TNKS: variants seen among roughly 807,000 people sequenced by gnomAD.
TNKS encodes poly [ADP-ribose] polymerase tankyrase-1.
TNKS carries 72 observed loss-of-function variants against 135.8 expected under a neutral mutation model. That is an observed-to-expected ratio of 0.53 (90% CI 0.44 to 0.64). The LOEUF (loss-of-function observed/expected upper bound fraction) is 0.64. TNKS is among the 30% of genes least tolerant of loss of function. The probability of loss-of-function intolerance (pLI) is 0.00; values close to 1 mark genes in which losing one functional copy is unlikely to be tolerated. For synonymous variants in TNKS, 849 were observed against 649.3 expected (o/e 1.31, Z -4.68); for missense variants, 1,769 against 1,674.0 (o/e 1.06, Z -0.99).
chr8:9,724,391 C>T (rs1282947905), intron 12 of TNKS, among the ~76,000 whole-genome samples: 1 of 152,058 alleles, frequency 6.6e-6, no homozygotes, highest in Non-Finnish European at 1.5e-5. Context: ...ATTTCAAGAC[C>T]AGCCAGGGCA....
At chr8:9,637,888 G>A (rs964560677) in intron 3 of TNKS, among the ~76,000 whole-genome samples, 1 of 152,102 alleles carries the variant, frequency 6.6e-6, no homozygotes, top group Non-Finnish European at 1.5e-5. Context: ...AAAAGTTTGT[G>A]ATTTTATTTA....
At chr8:9,747,509 T>C (rs1043737952) in intron 17 of TNKS, among the ~76,000 whole-genome samples, 6 of 152,316 alleles carry the variant, frequency 3.9e-5, no homozygotes, top group Admixed American at 2.0e-4. Flanking sequence ...TAAAATGTTA[T>C]GTTGCTTTTT....
At chr8:9,744,323 T>A (rs1322010082) in intron 17 of TNKS, among the ~76,000 whole-genome samples, 1 of 152,224 alleles carries the variant, frequency 6.6e-6, no homozygotes, top group East Asian at 1.9e-4. Flanking sequence ...CTTATAAGAG[T>A]AAATCAATTG....
At chr8:9,622,064 G>A (rs1245725805) in intron 3 of TNKS, among the ~76,000 whole-genome samples, 2 of 152,142 alleles carry the variant, frequency 1.3e-5, no homozygotes, top group African/African-American at 4.8e-5. Flanking sequence ...TTGGACATGA[G>A]CAGGAAAATT....
At chr8:9,725,280 A>G (rs913214345) in intron 12 of TNKS, among the ~76,000 whole-genome samples, 5 of 152,230 alleles carry the variant, frequency 3.3e-5, no homozygotes, top group African/African-American at 1.2e-4. Context: ...GAAAAGGAAT[A>G]TAAAGATGAG....
At chr8:9,748,349 A>C (rs1806345608) in intron 18 of TNKS, 137 bp downstream of exon 18, 1 of 678,260 alleles carries the variant, frequency 1.5e-6, no homozygotes, top group East Asian at 3.4e-5. Context: ...TTTGAAGTTC[A>C]CACTTTTTCT....
intron 13 of TNKS, among the ~76,000 whole-genome samples, 156 bp downstream of exon 13, chr8:9,726,876 A>T (rs1366479484): frequency 6.6e-6 from 1 of 152,194 alleles, no homozygotes; most frequent in East Asian, 1.9e-4. Context: ...AGGAATTCCC[A>T]GTATGTGCCT....
At chr8:9,742,395 C>T (rs1382733188) in intron 17 of TNKS, among the ~76,000 whole-genome samples, 7 of 151,102 alleles carry the variant, frequency 4.6e-5, no homozygotes, top group Non-Finnish European at 1.0e-4. Context: ...ACCCACTTCC[C>T]TCAGCAATCT....
At chr8:9,686,152 G>A (rs184872226) in intron 5 of TNKS, among the ~76,000 whole-genome samples, 18 of 152,216 alleles carry the variant, frequency 1.2e-4, no homozygotes, top group African/African-American at 3.6e-4. Flanking sequence ...TTCAGGACAC[G>A]CCCCTGAGTT....
intron 17 of TNKS, among the ~76,000 whole-genome samples, chr8:9,736,232 C>G (rs918785068): frequency 6.6e-6 from 1 of 150,630 alleles, no homozygotes; most frequent in Non-Finnish European, 1.5e-5. Flanking sequence ...TAAAAATATT[C>G]GAGTAGCAGG....
chr8:9,699,495 C>T (rs187860453), intron 5 of TNKS, among the ~76,000 whole-genome samples: 1 of 152,232 alleles, frequency 6.6e-6, no homozygotes, highest in Admixed American at 6.5e-5. Context: ...TTTCTCTTTG[C>T]AGTCTGCCAT....
rs1043778556 is a variant in TNKS, at chr8:9,673,738, C to T, written c.995-6213C>T. Among the ~76,000 whole-genome samples, 66 of 152,174 alleles carry T rather than the reference C, an allele frequency of 4.3e-4. 1 individual carries two copies. The highest frequency in any genetic ancestry group is 1.5e-3 in the African/African-American group (61 of 41,542). On this transcript the variant is annotated intron_variant, in intron 3 of 26. Transcript: ENST00000310430. ...GATTACAGGTGTGAGCCACCGCACC[C>T]GGCCTGGAATTTTTTTTCACAGCTG...
chr8:9,772,424 G>A (rs1324835067), intron 26 of TNKS: 2 of 455,330 alleles, frequency 4.4e-6, no homozygotes, highest in South Asian at 1.5e-5. Context: ...AATACATGAT[G>A]TAAGTCTAAT....
chr8:9,653,651 A>T (rs989099188), intron 3 of TNKS, among the ~76,000 whole-genome samples: 3 of 152,118 alleles, frequency 2.0e-5, no homozygotes, highest in African/African-American at 7.2e-5. Flanking sequence ...GAAAGGCACT[A>T]ATCACTCTCA....
At chr8:9,680,851 G>A (rs761196769) in intron 5 of TNKS, 51 bp downstream of exon 5, 2 of 1,432,364 alleles carry the variant, frequency 1.4e-6, no homozygotes, top group South Asian at 1.2e-5. Flanking sequence ...TCAAAATTTT[G>A]TGAATGTGGC....
Position 9,555,923 on chromosome 8 carries a change from G to A in TNKS, c.-17G>A, listed in dbSNP as rs201878160. 6 of 1,602,858 alleles carry A rather than the reference G, an allele frequency of 3.7e-6. No homozygotes were observed. The African/African-American group carries it at 6.7e-5, about 18-fold the overall frequency. On this transcript the variant is annotated 5_prime_UTR_variant, in exon 1 of 27. Transcript: ENST00000310430. ...TGGGGGCCGTTGCCGCAGTGACAGTGCTAGGGGAGTCCGAAGATGGCGGCG... is the reference window on the plus strand; with the variant it reads ...TGGGGGCCGTTGCCGCAGTGACAGTACTAGGGGAGTCCGAAGATGGCGGCG...
At chr8:9,674,597 T>C (rs1802455913) in intron 3 of TNKS, among the ~76,000 whole-genome samples, 1 of 152,208 alleles carries the variant, frequency 6.6e-6, no homozygotes, top group African/African-American at 2.4e-5. Context: ...GCTAGTTACC[T>C]GTGCCTACTG....
chr8:9,697,755 G>C (rs1432858873), intron 5 of TNKS, among the ~76,000 whole-genome samples: 3 of 152,092 alleles, frequency 2.0e-5, no homozygotes, highest in Non-Finnish European at 2.9e-5. Flanking sequence ...ACACCACTCA[G>C]AATGGCTGTT....
At chr8:9,703,009 C>A (rs1803883680) in intron 5 of TNKS, among the ~76,000 whole-genome samples, 2 of 152,058 alleles carry the variant, frequency 1.3e-5, no homozygotes, top group South Asian at 4.1e-4. Flanking sequence ...GAGTGAGATT[C>A]CATCCAAAAA....
Sources: gnomAD v4.1 joint callset for allele counts (sites outside exome capture counted in the v4.1 genomes callset) on GRCh38, gnomAD v4.1.1 for gene constraint, MANE v1.5 for transcripts, NCBI Gene and HGNC (gene_info 2026-07-23, HGNC 2026-07-21) for gene names.